The following PTPRD variants were observed in gnomAD, a reference collection of about 807,000 sequenced individuals.
PTPRD encodes protein tyrosine phosphatase receptor type D, also known as receptor-type tyrosine-protein phosphatase delta.
A neutral mutation model predicts 214.5 loss-of-function variants in PTPRD; 34 were observed. That is an observed-to-expected ratio of 0.16 (90% CI 0.12 to 0.21). The LOEUF (loss-of-function observed/expected upper bound fraction) is 0.21, where lower values mean the gene tolerates loss of function less well. Among genes scored for constraint, PTPRD ranks in the 10% least tolerant of loss-of-function variants. The pLI is 1.00. For synonymous variants in PTPRD, 1,128 were observed against 845.7 expected, an observed-to-expected ratio of 1.33 and a Z score of -5.79; for missense variants, 2,545 against 2,398.7, an observed-to-expected ratio of 1.06 and a Z score of -1.27.
chr9:8,568,252 T>C (rs922955804), intron 14 of PTPRD, among the ~76,000 whole-genome samples: 2 of 152,162 alleles, frequency 1.3e-5, no homozygotes, highest in African/African-American at 4.8e-5. Context: ...GGAGTTATTC[T>C]TTGGGTCTCC....
At chr9:8,781,739 C>G (rs962931823) in intron 11 of PTPRD, among the ~76,000 whole-genome samples, 5 of 152,140 alleles carry the variant, frequency 3.3e-5, no homozygotes, top group Admixed American at 1.3e-4. Flanking sequence ...GTCAGGCTGA[C>G]AAGCAAATGA....
intron 4 of PTPRD, among the ~76,000 whole-genome samples, chr9:10,018,899 G>A (rs1306120766): frequency 6.6e-6 from 1 of 151,996 alleles, no homozygotes; most frequent in Non-Finnish European, 1.5e-5. Context: ...TACTTTAAGG[G>A]TATTTTTCTG....
At chr9:9,556,499 G>A (rs2081539555) in intron 8 of PTPRD, among the ~76,000 whole-genome samples, 2 of 152,172 alleles carry the variant, frequency 1.3e-5, no homozygotes, top group South Asian at 4.1e-4. Flanking sequence ...TAAATAGATT[G>A]TAAATTCCTA....
intron 5 of PTPRD, among the ~76,000 whole-genome samples, chr9:9,916,648 C>T (rs958931691): frequency 6.6e-6 from 1 of 151,588 alleles, no homozygotes; most frequent in Non-Finnish European, 1.5e-5. Flanking sequence ...CAAACAGAAA[C>T]CAAAAGCTAA....
chr9:10,543,505 C>CACAA (rs1467221614), intron 2 of PTPRD, among the ~76,000 whole-genome samples: 1 of 150,904 alleles, frequency 6.6e-6, no homozygotes, highest in Non-Finnish European at 1.5e-5. Flanking sequence ...CACACACACA[C>CACAA]AAACACACAC....
chr9:9,842,302 T>C lies in PTPRD; in HGVS notation c.-367-75451A>G, dbSNP rs920301160. On this transcript the variant is annotated intron_variant, in intron 5 of 45. Coordinates refer to ENST00000381196, the MANE Select transcript of PTPRD (RefSeq NM_002839.4). Reference sequence around the variant, plus strand: ...CAAAGTCTACTGAAGGAGAGCATTTTTTTTTTTTTTTTTTTTTTTTGTCAT... The same window carrying C: ...CAAAGTCTACTGAAGGAGAGCATTTCTTTTTTTTTTTTTTTTTTTTGTCAT... Among the ~76,000 whole-genome samples, 12 of 142,186 alleles carry C rather than the reference T, an allele frequency of 8.4e-5. No individual in the cohort carries two copies. In the East Asian group the frequency reaches 2.4e-3, roughly 29 times the overall value. 93.3% of individuals were successfully genotyped at this position (142,186 alleles called of 152,430 possible). A position where few individuals can be genotyped will look rare whatever the true frequency, so the allele number is the denominator to read the frequency against.
chr9:8,949,139 G>A (rs1360361588), intron 11 of PTPRD, among the ~76,000 whole-genome samples: 6 of 150,428 alleles, frequency 4.0e-5, no homozygotes, highest in East Asian at 3.9e-4. Flanking sequence ...CAGGAGAATC[G>A]CTTGAACCCG....
intron 3 of PTPRD, among the ~76,000 whole-genome samples, chr9:10,197,987 C>T (rs1240477963): frequency 6.6e-6 from 1 of 151,980 alleles, no homozygotes; most frequent in Non-Finnish European, 1.5e-5. Context: ...TTTTTTTAAA[C>T]ATTGAAATTA....
intron 11 of PTPRD, among the ~76,000 whole-genome samples, chr9:8,941,791 CTTGT>C (rs112915079): frequency 0.46 from 69,227 of 150,542 alleles, 16,721 homozygotes; most frequent in East Asian, 0.75. Flanking sequence ...TAATAAAGGT[CTTGT>C]TTGTTTGTTT....
chr9:8,895,185 G>C (rs563925153), intron 11 of PTPRD, among the ~76,000 whole-genome samples: 84 of 152,242 alleles, frequency 5.5e-4, no homozygotes, highest in African/African-American at 2.0e-3. Flanking sequence ...ATGGGGATTT[G>C]AGCTAGTTGA....
intron 39 of PTPRD, among the ~76,000 whole-genome samples, chr9:8,352,768 A>T (rs991091046): frequency 2.0e-5 from 3 of 152,150 alleles, no homozygotes. Flanking sequence ...CACAGACAAG[A>T]TTTTACTATG....
chr9:9,520,439 C>T (rs2096941055), intron 8 of PTPRD, among the ~76,000 whole-genome samples: 1 of 151,908 alleles, frequency 6.6e-6, no homozygotes, highest in Non-Finnish European at 1.5e-5. Flanking sequence ...ATGGAAAATA[C>T]ATCTCCATTA....
At chr9:9,971,559 G>C (rs557876577) in intron 4 of PTPRD, among the ~76,000 whole-genome samples, 2 of 152,270 alleles carry the variant, frequency 1.3e-5, no homozygotes, top group African/African-American at 2.4e-5. Flanking sequence ...TAATGAGTTA[G>C]ATTATGGCAT....
intron 11 of PTPRD, chr9:8,860,028 C>T (rs1269117318): frequency 1.3e-5 from 2 of 152,206 alleles, no homozygotes. Context: ...AAATCTCAGC[C>T]TCCCCATAGG....
intron 9 of PTPRD, among the ~76,000 whole-genome samples, chr9:9,347,789 T>C (rs16929199): frequency 0.027 from 4,165 of 152,262 alleles, 203 homozygotes; most frequent in African/African-American, 0.095. Context: ...GCAGTGTTTG[T>C]TGAAATTCAC....
At chr9:8,396,499 G>T (rs995578372) in intron 36 of PTPRD, among the ~76,000 whole-genome samples, 1 of 150,898 alleles carries the variant, frequency 6.6e-6, no homozygotes, top group African/African-American at 2.4e-5. Flanking sequence ...AGAGTAAGCT[G>T]CATAGATGTA....
intron 5 of PTPRD, among the ~76,000 whole-genome samples, chr9:9,801,312 C>G (rs2099038408): frequency 1.3e-5 from 2 of 149,134 alleles, no homozygotes; most frequent in Admixed American, 1.4e-4. Context: ...TATGCTGTAT[C>G]AGGTATAAGC....
intron 10 of PTPRD, among the ~76,000 whole-genome samples, chr9:9,120,797 G>C (rs1441549166): frequency 2.0e-5 from 3 of 152,138 alleles, no homozygotes; most frequent in Admixed American, 6.5e-5. Context: ...ATTTTCCAAG[G>C]ATCATGTGTA....
rs894514055 is a variant in PTPRD, at chr9:10,067,052, G to A, written c.-544-33262C>T. On this transcript the variant is annotated intron_variant, in intron 3 of 45. Transcript: ENST00000381196. The stretch of plus-strand genomic sequence containing the variant: ...GAAAAAGAAACTTGGGCATTTGGCC[G>A]TGCTTATGAGGGTGATGTTGGTGGC... Among the ~76,000 whole-genome samples, 7 of 151,856 alleles carry A rather than the reference G, an allele frequency of 4.6e-5. 1 individual carries two copies. The highest frequency in any genetic ancestry group is 1.9e-4 in the East Asian group (1 of 5,158).
Sources: allele counts gnomAD v4.1 joint callset (sites outside exome capture counted in the v4.1 genomes callset), GRCh38; gene constraint gnomAD v4.1.1; transcripts MANE v1.5; gene names NCBI Gene and HGNC (gene_info 2026-07-23, HGNC 2026-07-21).